The following CCDC196 variants were observed in gnomAD, a reference collection of about 807,000 sequenced individuals.
CCDC196 encodes coiled-coil domain containing 196, also known as coiled-coil domain-containing protein 196.
At chr14:66,496,081 T>C (rs2057658626) in intron 8 of CCDC196, 2 of 280,302 alleles carry the variant, frequency 7.1e-6, no homozygotes, top group Middle Eastern at 8.6e-4. Context: ...TGGTGCTTAT[T>C]TGAAGTTTGT....
chr14:66,498,066 C>G, intron 8 of CCDC196, 43 bp from the exon 9 acceptor site: 1 of 371,814 alleles, frequency 2.7e-6, no homozygotes. Context: ...TTTTTTTTTT[C>G]CCCCTCAAAA....
chr14:66,497,642 C>T (rs540146586), intron 8 of CCDC196, among the ~76,000 whole-genome samples: 2 of 152,238 alleles, frequency 1.3e-5, no homozygotes, highest in East Asian at 1.9e-4. Flanking sequence ...GACTCACTAT[C>T]GGTTGTATTT....
Position 66,488,162 on chromosome 14 carries a change from T to C in CCDC196, c.206T>C (p.Leu69Pro). The change falls in exon 3 of 10, where the codon CTT (leucine) becomes CCT (proline). Residue 69 changes from leucine to proline, a missense_variant and splice_region_variant. By Grantham distance (98) the Leu-to-Pro change is moderately conservative (BLOSUM62 -3). Coordinates refer to ENST00000636229, the MANE Select transcript of CCDC196 (RefSeq NM_001351576.1). ...MSNLEEKQRS[L>P]QIMRQIMAGK... The stretch of plus-strand genomic sequence containing the variant: ...TATGATGCCTCTCTTTCTTCTAGTC[T>C]TCAGATCATGAGACAGATCATGGCA... 3 of 413,084 alleles carry C rather than the reference T, an allele frequency of 7.3e-6. No individual in the cohort carries two copies. In the East Asian group the frequency reaches 1.1e-4, roughly 15 times the overall value. The allele number at this position is 413,084 out of a possible 1,614,324, so 25.6% of individuals were successfully genotyped here. A position where few individuals can be genotyped will look rare whatever the true frequency, so the allele number is the denominator to read the frequency against.
intron 9 of CCDC196, 49 bp downstream of exon 9, chr14:66,498,216 AATAG>A (rs2057712629): frequency 2.4e-6 from 1 of 412,948 alleles, no homozygotes; most frequent in Admixed American, 4.4e-5. Flanking sequence ...TAAGGGCTTG[AATAG>A]ATAGTGGGTA....
At chr14:66,493,976 C>T (rs1373362097) in intron 8 of CCDC196, 1 of 152,148 alleles carries the variant, frequency 6.6e-6, no homozygotes, top group Admixed American at 6.5e-5. Flanking sequence ...GCTCCAGAAT[C>T]AAATTAAGTC....
intron 8 of CCDC196, among the ~76,000 whole-genome samples, chr14:66,495,411 A>G (rs1434352523): frequency 6.6e-6 from 1 of 152,202 alleles, no homozygotes; most frequent in Non-Finnish European, 1.5e-5. Context: ...CAGTGACTCT[A>G]TGAAAGGTAT....
intron 4 of CCDC196, among the ~76,000 whole-genome samples, chr14:66,490,317 C>A (rs2057506588): frequency 6.6e-6 from 1 of 152,190 alleles, no homozygotes; most frequent in Non-Finnish European, 1.5e-5. Context: ...TCAGAAAGAT[C>A]TGGTTCAAAT....
At position 66,496,275 on chromosome 14, in the gene CCDC196, G is replaced by C. The variant is rs567140683; in HGVS notation, c.716-1834G>C. The C allele has an allele frequency of 5.6e-4, 257 of 456,250 alleles. 1 individual carries two copies. The highest frequency in any genetic ancestry group is 9.9e-4 in the Non-Finnish European group (224 of 226,958). 28.3% of individuals were successfully genotyped at this position (456,250 alleles called of 1,614,324 possible). On this transcript the variant is annotated intron_variant, in intron 8 of 9. Coordinates refer to ENST00000636229, the MANE Select transcript of CCDC196 (RefSeq NM_001351576.1). The stretch of plus-strand genomic sequence containing the variant: ...TGAAGAGTTTACCTCAGTACTCTTA[G>C]CCAAGAATTCCTCCTCCCACTGTCC...
Position 66,490,811 on chromosome 14 carries a change from G to A in CCDC196, c.421G>A (p.Asp141Asn). 1 of 399,886 alleles carries A rather than the reference G, an allele frequency of 2.5e-6. No individual in the cohort carries two copies. The allele number at this position is 399,886 out of a possible 1,614,324, so 24.8% of individuals were successfully genotyped here. ...GACAAAAAACAAGGCAGACTTGCAGGATGGAAAGGCAAGTGGACTGCATGT... is the reference window on the plus strand; with the variant it reads ...GACAAAAAACAAGGCAGACTTGCAGAATGGAAAGGCAAGTGGACTGCATGT... Reference protein sequence around the residue: ...PQTKNKADLQDGKAPKSPSSP... With the variant: ...PQTKNKADLQNGKAPKSPSSP... The change falls in exon 5 of 10, where the codon GAT becomes AAT. Residue 141 changes from aspartate (D) to asparagine (N), a missense_variant. Coordinates refer to ENST00000636229, the MANE Select transcript of CCDC196 (RefSeq NM_001351576.1).
chr14:66,491,940 A>C (rs2057548297), intron 7 of CCDC196, 113 bp from the exon 8 acceptor site: 1 of 406,992 alleles, frequency 2.5e-6, no homozygotes, highest in African/African-American at 2.1e-5. Context: ...CAACTTTTAA[A>C]GACTGAGCAT....
intron 8 of CCDC196, chr14:66,496,300 C>G (rs752558708): frequency 5.7e-5 from 26 of 456,210 alleles, no homozygotes; most frequent in South Asian, 2.8e-4. Flanking sequence ...TCCCACTGTC[C>G]GATGTGCTGG....
rs2057716699 is a variant in CCDC196, at chr14:66,498,404, C to G, written c.826C>G (p.Gln276Glu). 2.4e-6 allele frequency: 1 copy of G among 413,212 alleles called. No homozygotes were observed. Among genetic ancestry groups the G allele is most frequent in the African/African-American group, 2.1e-5 (1 of 48,598 alleles). 25.6% of individuals were successfully genotyped at this position (413,212 alleles called of 1,614,324 possible). ...AGAACAACAAGGAACTAAAGGAAGTCAGCTTGATAATACAGGAGGGAGACT... is the reference window on the plus strand; with the variant it reads ...AGAACAACAAGGAACTAAAGGAAGTGAGCTTGATAATACAGGAGGGAGACT... ...YTEQQGTKGS[Q>E]LDNTGGRLFF... The change falls in exon 10 of 10, where the codon CAG (glutamine) becomes GAG (glutamate). Residue 276 changes from glutamine (Q) to glutamate (E), a missense_variant. Transcript: ENST00000636229.
chr14:66,490,915 T>C (rs1408955889), intron 5 of CCDC196, 96 bp downstream of exon 5: 1 of 411,404 alleles, frequency 2.4e-6, no homozygotes, highest in Non-Finnish European at 4.4e-6. Context: ...GGTAGGCAGA[T>C]AGGTAGGATC....
chr14:66,497,568 T>A (rs1468529415), intron 8 of CCDC196, among the ~76,000 whole-genome samples: 2 of 152,200 alleles, frequency 1.3e-5, no homozygotes, highest in Non-Finnish European at 2.9e-5. Context: ...ATTTGGTGTT[T>A]ATATTAAAAT....
Position 66,498,346 on chromosome 14 carries a change from T to G in CCDC196, c.775-7T>G. Reference sequence around the variant, plus strand: ...CTGTCCTTTTTCCTCTGTTTTTTCCTGTCTAGAGAATTCTGGGAACAAAGA... The same window carrying G: ...CTGTCCTTTTTCCTCTGTTTTTTCCGGTCTAGAGAATTCTGGGAACAAAGA... On this transcript the variant is annotated splice_region_variant and splice_polypyrimidine_tract_variant and intron_variant, in intron 9 of 9. Transcript: ENST00000636229. 2 of 411,848 alleles carry G rather than the reference T, an allele frequency of 4.9e-6. No homozygotes were observed. The highest frequency in any genetic ancestry group is 8.9e-6 in the Non-Finnish European group (2 of 225,470). The allele number at this position is 411,848 out of a possible 1,614,324, so 25.5% of individuals were successfully genotyped here. A position where few individuals can be genotyped will look rare whatever the true frequency, so the allele number is the denominator to read the frequency against.
intron 8 of CCDC196, among the ~76,000 whole-genome samples, chr14:66,495,150 T>C (rs1257362689): frequency 6.6e-6 from 1 of 152,154 alleles, no homozygotes; most frequent in Non-Finnish European, 1.5e-5. Context: ...TGATTTATAG[T>C]ATTTAATGCC....
intron 2 of CCDC196, among the ~76,000 whole-genome samples, chr14:66,487,081 C>T (rs1325062448): frequency 6.6e-6 from 1 of 152,060 alleles, no homozygotes; most frequent in East Asian, 1.9e-4. Context: ...AATAGTGAAA[C>T]GCTTTTAATA....
intron 5 of CCDC196, 56 bp from the exon 6 acceptor site, chr14:66,490,965 C>T (rs2057521898): frequency 4.8e-6 from 2 of 413,242 alleles, no homozygotes; most frequent in African/African-American, 4.1e-5. Flanking sequence ...CCTGCTGAGA[C>T]ATTGCACTTC....
At chr14:66,493,547 T>C (rs998875737) in intron 8 of CCDC196, among the ~76,000 whole-genome samples, 6 of 152,208 alleles carry the variant, frequency 3.9e-5, no homozygotes, top group Non-Finnish European at 8.8e-5. Flanking sequence ...AATCTAAATT[T>C]CCTAGGTTGT....
Sources: gnomAD v4.1 joint callset for allele counts (sites outside exome capture counted in the v4.1 genomes callset) on GRCh38, gnomAD v4.1.1 for gene constraint, MANE v1.5 for transcripts, NCBI Gene and HGNC (gene_info 2026-07-23, HGNC 2026-07-21) for gene names.